The following RMST variants were observed in gnomAD, a reference collection of about 807,000 sequenced individuals.
RMST encodes the protein rhabdomyosarcoma 2 associated transcript.
At chr12:97,516,724 TTA>T (rs1394974327) in intron 10 of RMST, among the ~76,000 whole-genome samples, 1 of 151,898 alleles carries the variant, frequency 6.6e-6, no homozygotes, top group African/African-American at 2.4e-5. Flanking sequence ...CTCAAAAGAT[TTA>T]TGTTAGTTTT....
chr12:97,529,162 TG>T (rs1881403236), intron 10 of RMST, among the ~76,000 whole-genome samples: 3 of 152,202 alleles, frequency 2.0e-5, no homozygotes, highest in Admixed American at 2.0e-4. Context: ...GAAACCTTTT[TG>T]TCTTCCCAGG....
At chr12:97,524,342 G>A (rs1880875841) in intron 10 of RMST, among the ~76,000 whole-genome samples, 1 of 151,934 alleles carries the variant, frequency 6.6e-6, no homozygotes, top group African/African-American at 2.4e-5. Flanking sequence ...GAGAAGTCCT[G>A]GTATACAGGA....
Position 97,522,453 on chromosome 12 carries a change from C to T in RMST, n.1341-8202C>T, listed in dbSNP as rs113327896. 7.7e-3 allele frequency among the ~76,000 whole-genome samples: 1,165 copies of T among 152,270 alleles called. 7 individuals carry two copies. Among genetic ancestry groups the T allele is most frequent in the African/African-American group, 0.025 (1,053 of 41,552 alleles). On this transcript the variant is annotated intron_variant and non_coding_transcript_variant, in intron 10 of 13. Coordinates refer to ENST00000640149, the Ensembl canonical transcript of RMST. Reference sequence around the variant, plus strand: ...TTGAGATATAGTTTCTAGCTATGAACTGCCATTAAATGCCCTTATGCTCTC... The same window carrying T: ...TTGAGATATAGTTTCTAGCTATGAATTGCCATTAAATGCCCTTATGCTCTC...
intron 11 of RMST, among the ~76,000 whole-genome samples, chr12:97,551,171 T>TA (rs371319102): frequency 0.036 from 4,811 of 132,308 alleles, 242 homozygotes; most frequent in Admixed American, 0.13. Context: ...TCATTGTTTT[T>TA]AAAAAAAAAA....
chr12:97,562,290 T>C (rs1300052121), intron 13 of RMST, among the ~76,000 whole-genome samples: 1 of 152,162 alleles, frequency 6.6e-6, no homozygotes, highest in Non-Finnish European at 1.5e-5. Flanking sequence ...ATCAGCAGAT[T>C]TGATATGTGA....
At chr12:97,512,100 CAG>C (rs1219041387) in intron 10 of RMST, among the ~76,000 whole-genome samples, 2 of 152,072 alleles carry the variant, frequency 1.3e-5, no homozygotes, top group Non-Finnish European at 2.9e-5. Flanking sequence ...CGGATGTGTT[CAG>C]AGTTTCTTCT....
intron 10 of RMST, among the ~76,000 whole-genome samples, chr12:97,500,259 C>T (rs1271050399): frequency 6.6e-6 from 1 of 152,156 alleles, no homozygotes; most frequent in African/African-American, 2.4e-5. Context: ...TGAGCCACAT[C>T]CACAAACTGT....
At chr12:97,483,014 A>G (rs977595759) in intron 5 of RMST, among the ~76,000 whole-genome samples, 7 of 151,846 alleles carry the variant, frequency 4.6e-5, no homozygotes, top group Admixed American at 1.3e-4. Context: ...GACCAGGTGC[A>G]CGGCTCACGG....
At chr12:97,474,749 A>G (rs894992405) in intron 5 of RMST, among the ~76,000 whole-genome samples, 1 of 151,234 alleles carries the variant, frequency 6.6e-6, no homozygotes, top group Non-Finnish European at 1.5e-5. Flanking sequence ...AATTGTTTTT[A>G]TTGAATTACA....
At chr12:97,470,383 G>A (rs1593116717) in intron 5 of RMST, among the ~76,000 whole-genome samples, 2 of 152,086 alleles carry the variant, frequency 1.3e-5, no homozygotes, top group East Asian at 3.9e-4. Flanking sequence ...GCCTAGCACG[G>A]TGCCTGGCAT....
At chr12:97,521,727 T>G (rs1880533946) in intron 10 of RMST, among the ~76,000 whole-genome samples, 1 of 152,204 alleles carries the variant, frequency 6.6e-6, no homozygotes, top group Admixed American at 6.5e-5. Context: ...GAAAGGTTAC[T>G]CAATTCTTCT....
At chr12:97,545,287 C>T (rs1422064213) in intron 11 of RMST, among the ~76,000 whole-genome samples, 1 of 152,006 alleles carries the variant, frequency 6.6e-6, no homozygotes, top group Non-Finnish European at 1.5e-5. Context: ...TTATAATGCA[C>T]CTTTACATAT....
chr12:97,465,909 G>A (rs527952308), intron 5 of RMST, among the ~76,000 whole-genome samples: 1 of 152,146 alleles, frequency 6.6e-6, no homozygotes, highest in East Asian at 1.9e-4. Flanking sequence ...AGATTGGCTA[G>A]CTTTGGTGAT....
chr12:97,549,874 C>G (rs1002151121), intron 11 of RMST, among the ~76,000 whole-genome samples: 1 of 152,144 alleles, frequency 6.6e-6, no homozygotes, highest in African/African-American at 2.4e-5. Context: ...AGGGTAGGTT[C>G]AAGACCAGTG....
At chr12:97,539,578 C>T (rs530842908) in intron 11 of RMST, among the ~76,000 whole-genome samples, 16 of 151,666 alleles carry the variant, frequency 1.1e-4, no homozygotes, top group East Asian at 9.7e-4. Context: ...CTAAACAAAA[C>T]GATGCCTGGG....
At chr12:97,491,797 C>T (rs1034365270) in intron 5 of RMST, 2 of 401,504 alleles carry the variant, frequency 5.0e-6, no homozygotes, top group South Asian at 1.8e-5. Flanking sequence ...GAACAACAAT[C>T]GTGTCATGGC....
intron 10 of RMST, among the ~76,000 whole-genome samples, chr12:97,506,898 G>T (rs1025875939): frequency 6.6e-6 from 1 of 151,900 alleles, no homozygotes; most frequent in Non-Finnish European, 1.5e-5. Context: ...TGGCCAGGCT[G>T]GTCTTGAACT....
intron 5 of RMST, among the ~76,000 whole-genome samples, chr12:97,476,064 C>A (rs1874522840): frequency 6.6e-6 from 1 of 152,082 alleles, no homozygotes; most frequent in South Asian, 2.1e-4. Context: ...ATGAGCACAA[C>A]TCCTTTTCAG....
At chr12:97,559,458 T>G (rs891969238) in intron 11 of RMST, among the ~76,000 whole-genome samples, 1 of 152,144 alleles carries the variant, frequency 6.6e-6, no homozygotes. Flanking sequence ...TATTTTTCCT[T>G]AATTGGAACC....
Sources: gnomAD v4.1 joint callset for allele counts (sites outside exome capture counted in the v4.1 genomes callset) on GRCh38, gnomAD v4.1.1 for gene constraint, MANE v1.5 for transcripts, NCBI Gene and HGNC (gene_info 2026-07-23, HGNC 2026-07-21) for gene names.